Variants in ZNF729 observed in about 807,000 individuals in gnomAD.
ZNF729 encodes the protein zinc finger protein 729.
In ZNF729, 15 loss-of-function variants were observed where a neutral mutation model predicts 12.2. The observed-to-expected ratio is 1.23, with a 90% CI of 0.82 to 1.89. The LOEUF (loss-of-function observed/expected upper bound fraction) is 1.89. ZNF729 is among the 40% of genes most tolerant of loss of function. ZNF729 has a pLI of 0.00. For synonymous variants in ZNF729, 492 were observed against 476.3 expected (o/e 1.03, Z -0.43); for missense variants, 1,540 against 1,456.7 (o/e 1.06, Z -0.93).
Position 22,314,997 on chromosome 19 carries a change from A to G in ZNF729, c.1580A>G (p.Gln527Arg). ...KCEECGKAFS[Q>R]SSTLRNHQII... ...GAAGAATGTGGGAAAGCTTTTAGCC[A>G]GTCCTCAACCCTTAGAAACCATCAG... The change falls in exon 4 of 4, where the codon CAG becomes CGG. Residue 527 changes from glutamine (Q) to arginine (R), a missense_variant. Transcript: ENST00000601693. 6.2e-7 allele frequency: 1 copy of G among 1,611,934 alleles called. No individual in the cohort carries two copies. The highest frequency in any genetic ancestry group is 8.5e-7 in the Non-Finnish European group (1 of 1,179,708).
intron 3 of ZNF729, 46 bp downstream of exon 3, chr19:22,304,829 A>T: frequency 3.2e-6 from 5 of 1,571,446 alleles, no homozygotes; most frequent in Non-Finnish European, 4.3e-6. Flanking sequence ...AGAGGTCCAG[A>T]GGTCAAGGAG....
In ZNF729 at chr19:22,317,017, C is replaced by CTCA; in HGVS notation, c.3602_3604dup (p.Ser1201dup). ...AATGTGGCAAAGCTTTTATTCAGTG[C>CTCA]TCATACCTTATTAGACATAAAACAA... On this transcript the variant is annotated inframe_insertion, in exon 4 of 4. Transcript: ENST00000601693. 1.2e-6 allele frequency: 2 copies of CTCA among 1,611,210 alleles called. No homozygotes were observed. The highest frequency in any genetic ancestry group is 1.7e-6 in the Non-Finnish European group (2 of 1,179,844).
chr19:22,295,042 G>A (rs1968211148), intron 1 of ZNF729, among the ~76,000 whole-genome samples: 1 of 128,998 alleles, frequency 7.8e-6, no homozygotes, highest in South Asian at 2.2e-4. Context: ...AGATATTTGT[G>A]TGTGTGTGTG....
At chr19:22,296,053 T>A (rs985622191) in intron 1 of ZNF729, among the ~76,000 whole-genome samples, 5 of 152,200 alleles carry the variant, frequency 3.3e-5, no homozygotes, top group African/African-American at 1.2e-4. Flanking sequence ...GATTTTTTCA[T>A]CAATGTTTAT....
chr19:22,292,319 T>G (rs1350442954), intron 1 of ZNF729, among the ~76,000 whole-genome samples: 3 of 152,236 alleles, frequency 2.0e-5, no homozygotes, highest in African/African-American at 7.2e-5. Flanking sequence ...ATTAGTTTTG[T>G]AAGGATAATG....
intron 1 of ZNF729, among the ~76,000 whole-genome samples, chr19:22,300,855 A>G (rs1430574684): frequency 1.3e-5 from 2 of 152,144 alleles, no homozygotes; most frequent in African/African-American, 4.8e-5. Flanking sequence ...ATGCCCACAA[A>G]TGTGCAGGGA....
intron 1 of ZNF729, among the ~76,000 whole-genome samples, chr19:22,287,985 ACAG>A: frequency 6.6e-6 from 1 of 151,764 alleles, no homozygotes; most frequent in South Asian, 2.1e-4. Context: ...AGCTGGGACT[ACAG>A]GCATGTGCCA....
At position 22,316,106 on chromosome 19, in the gene ZNF729, G is replaced by T; in HGVS notation, c.2689G>T (p.Val897Leu). 4 of 1,608,124 alleles carry T rather than the reference G, an allele frequency of 2.5e-6. No individual in the cohort carries two copies. Among genetic ancestry groups the T allele is most frequent in the Non-Finnish European group, 3.4e-6 (4 of 1,178,128 alleles). Reference protein sequence around the residue: ...KAFKWLSKLTVHKVIHTAEKP... With the variant: ...KAFKWLSKLTLHKVIHTAEKP... ...TTTTAAGTGGTTGTCAAAACTTACT[G>T]TACATAAGGTAATTCATACTGCAGA... Residue 897 changes from valine to leucine, a missense_variant, in exon 4 of 4, where the codon GTA (valine) becomes TTA (leucine). Coordinates refer to ENST00000601693, the MANE Select transcript of ZNF729 (RefSeq NM_001242680.2).
Position 22,315,565 on chromosome 19 carries a change from A to AT in ZNF729, c.2149dup (p.Cys717LeufsTer3). The AT allele has an allele frequency of 6.2e-7, 1 of 1,610,316 alleles. No individual in the cohort carries two copies. The highest frequency in any genetic ancestry group is 1.1e-5 in the South Asian group (1 of 91,052). ...GAGAGAAACCCTACAAATGTGAAGA[A>AT]TGTGGTAAAGCTTTTAAGTGGTCAT... On this transcript the variant is annotated frameshift_variant, in exon 4 of 4. Transcript: ENST00000601693. LOFTEE classifies it low-confidence loss of function (END_TRUNC).
chr19:22,316,481 T>C lies in ZNF729; in HGVS notation c.3064T>C (p.Cys1022Arg), dbSNP rs1253470838. The change falls in exon 4 of 4, where the codon TGT (cysteine) becomes CGT (arginine). Residue 1022 changes from cysteine (C) to arginine (R), a missense_variant. Cys to Arg is a radical substitution (Grantham distance 180). Transcript: ENST00000601693. ...TCATACTAGGGAGAAATTGTACAAA[T>C]GTGAAGAATGTGTCAAAGCTTTTAA... is the stretch of plus-strand genomic sequence containing the variant. The part of the protein sequence containing the change: ...LIHTREKLYK[C>R]EECVKAFNNF... 2 of 1,613,638 alleles carry C rather than the reference T, an allele frequency of 1.2e-6. No homozygotes were observed. The highest frequency in any genetic ancestry group is 2.7e-5 in the African/African-American group (2 of 75,012).
intron 3 of ZNF729, among the ~76,000 whole-genome samples, chr19:22,310,154 C>T (rs1017883530): frequency 6.6e-5 from 10 of 152,106 alleles, no homozygotes; most frequent in Admixed American, 5.2e-4. Context: ...ATATCATCAG[C>T]AAACAGTGAC....
intron 1 of ZNF729, among the ~76,000 whole-genome samples, chr19:22,300,728 G>A (rs1466807313): frequency 3.3e-5 from 5 of 152,124 alleles, no homozygotes; most frequent in East Asian, 1.9e-4. Flanking sequence ...TGTATCTTCC[G>A]AACTGAAACT....
chr19:22,296,040 G>A (rs112937044), intron 1 of ZNF729, among the ~76,000 whole-genome samples: 3,346 of 152,224 alleles, frequency 0.022, 111 homozygotes, highest in African/African-American at 0.076. Flanking sequence ...GCATTTTGTT[G>A]AGGATTTTTT....
At position 22,316,991 on chromosome 19, in the gene ZNF729, G is replaced by C. The variant is rs770275700; in HGVS notation, c.3574G>C (p.Glu1192Gln). The stretch of plus-strand genomic sequence containing the variant: ...TGGAGAGAAACCCTACAAATGTGAA[G>C]AATGTGGCAAAGCTTTTATTCAGTG... ...HTGEKPYKCE[E>Q]CGKAFIQCSY... Residue 1192 changes from glutamate (E) to glutamine (Q), a missense_variant, in exon 4 of 4, where the codon GAA becomes CAA. By Grantham distance (29) the Glu-to-Gln change is conservative. Transcript: ENST00000601693. 1.2e-6 allele frequency: 2 copies of C among 1,612,462 alleles called. No individual in the cohort carries two copies. The highest frequency in any genetic ancestry group is 1.7e-6 in the Non-Finnish European group (2 of 1,179,980).
intron 3 of ZNF729, among the ~76,000 whole-genome samples, chr19:22,312,419 T>C (rs577790416): frequency 1.2e-4 from 18 of 149,300 alleles, no homozygotes; most frequent in African/African-American, 4.2e-4. Flanking sequence ...AACATGTTCT[T>C]AGAATGTGTC....
chr19:22,299,487 T>G (rs1968276688), intron 1 of ZNF729: 1 of 152,190 alleles, frequency 6.6e-6, no homozygotes, highest in Non-Finnish European at 1.5e-5. Flanking sequence ...CCTTGGCCTC[T>G]TAAAGTGCTG....
Position 22,316,563 on chromosome 19 carries a change from A to T in ZNF729, c.3146A>T (p.Lys1049Ile). Reference sequence around the variant, plus strand: ...ATTCATACTGGGGAGAAACCCTACAAATGTGAAGAATGTGGTAAAGCTTTT... The same window carrying T: ...ATTCATACTGGGGAGAAACCCTACATATGTGAAGAATGTGGTAAAGCTTTT... ...KIIHTGEKPY[K>I]CEECGKAFKW... The change falls in exon 4 of 4, where the codon AAA becomes ATA. Residue 1049 changes from lysine (K) to isoleucine (I), a missense_variant. Lys to Ile is a moderately radical substitution (Grantham distance 102, BLOSUM62 -3). Coordinates refer to ENST00000601693, the MANE Select transcript of ZNF729 (RefSeq NM_001242680.2). 6.2e-7 allele frequency: 1 copy of T among 1,613,602 alleles called. No individual in the cohort carries two copies. Among genetic ancestry groups the T allele is most frequent in the Non-Finnish European group, 8.5e-7 (1 of 1,179,792 alleles).
chr19:22,288,191 T>A (rs988383838), intron 1 of ZNF729, among the ~76,000 whole-genome samples: 1 of 152,186 alleles, frequency 6.6e-6, no homozygotes, highest in African/African-American at 2.4e-5. Context: ...TTTTAATTAT[T>A]TTTTAACAAA....
At position 22,313,669 on chromosome 19, in the gene ZNF729, A is replaced by G. The variant is rs1341818534; in HGVS notation, c.254-2A>G. Reference sequence around the variant, plus strand: ...ATAATTTGTTATTTTTATTTCTTCTAGTTATGCGTTCTCATTTTACACAAG... The same window carrying G: ...ATAATTTGTTATTTTTATTTCTTCTGGTTATGCGTTCTCATTTTACACAAG... On this transcript the variant is annotated splice_acceptor_variant, in intron 3 of 3. Transcript: ENST00000601693. LOFTEE classifies it high-confidence loss of function. 10 of 1,465,088 alleles carry G rather than the reference A, an allele frequency of 6.8e-6. No individual in the cohort carries two copies. Among genetic ancestry groups the G allele is most frequent in the Non-Finnish European group, 9.0e-6 (10 of 1,113,982 alleles). 90.8% of individuals were successfully genotyped at this position (1,465,088 alleles called of 1,614,324 possible).
Sources: gnomAD v4.1 joint callset for allele counts (sites outside exome capture counted in the v4.1 genomes callset) on GRCh38, gnomAD v4.1.1 for gene constraint, MANE v1.5 for transcripts, NCBI Gene and HGNC (gene_info 2026-07-23, HGNC 2026-07-21) for gene names.